Variants in MAML3 observed in about 807,000 individuals in gnomAD.
MAML3 encodes mastermind like transcriptional coactivator 3.
Under a neutral mutation model 101.9 loss-of-function variants are expected in MAML3, and 27 were observed. That is an observed-to-expected ratio of 0.27 (90% CI 0.20 to 0.37). The LOEUF is 0.37. MAML3 is among the 10% of genes least tolerant of loss of function. The pLI, the probability that MAML3 is intolerant of heterozygous loss-of-function variation, is 1.00. For synonymous variants in MAML3, 501 were observed against 555.9 expected, an observed-to-expected ratio of 0.90 and a Z score of 1.39; for missense variants, 1,316 against 1,444.9, an observed-to-expected ratio of 0.91 and a Z score of 1.45.
intron 2 of MAML3, among the ~76,000 whole-genome samples, chr4:139,861,307 C>T (rs553646518): frequency 6.6e-6 from 1 of 152,072 alleles, no homozygotes; most frequent in South Asian, 2.1e-4. Flanking sequence ...ATTCTCTTCT[C>T]CCTGTATGAT....
At chr4:139,837,004 C>T (rs1156920057) in intron 2 of MAML3, among the ~76,000 whole-genome samples, 1 of 151,726 alleles carries the variant, frequency 6.6e-6, no homozygotes, top group Non-Finnish European at 1.5e-5. Context: ...TGCCTGCAAT[C>T]CCAGCTACTC....
At chr4:140,145,014 A>G (rs6832994) in intron 1 of MAML3, among the ~76,000 whole-genome samples, 17,440 of 152,266 alleles carry the variant, frequency 0.11, 1,146 homozygotes, top group African/African-American at 0.17. Context: ...CAAGCAGAGC[A>G]TGTCTTTCAG....
At position 139,897,280 on chromosome 4, in the gene MAML3, G is replaced by A. The variant is rs17050988; in HGVS notation, c.469-6313C>T. Among the ~76,000 whole-genome samples, 160 of 152,278 alleles carry A rather than the reference G, an allele frequency of 1.1e-3. 1 individual carries two copies. The highest frequency in any genetic ancestry group is 3.7e-3 in the African/African-American group (154 of 41,542). ...ATTACAATCATCTTGCAGAGGCATC[G>A]TGGGTTAAGCAGTGTGTCTGAAATT... is the stretch of plus-strand genomic sequence containing the variant. On this transcript the variant is annotated intron_variant, in intron 1 of 4. Transcript: ENST00000509479.
Position 139,848,296 on chromosome 4 carries a change from C to T in MAML3, c.2079+41061G>A, listed in dbSNP as rs949290652. ...CGACGGCTGCTTCTCACCAGGGCAC[C>T]GTTAAAGCTGAGGCAGAAGCTGCAT... On this transcript the variant is annotated intron_variant, in intron 2 of 4. Transcript: ENST00000509479. Among the ~76,000 whole-genome samples the T allele has an allele frequency of 6.6e-5, 10 of 152,194 alleles. No individual in the cohort carries two copies. In the South Asian group the frequency reaches 1.5e-3, roughly 22 times the overall value.
intron 1 of MAML3, among the ~76,000 whole-genome samples, chr4:140,030,379 C>G (rs147139823): frequency 2.6e-5 from 4 of 152,324 alleles, no homozygotes; most frequent in Non-Finnish European, 5.9e-5. Context: ...AATTGTTCAA[C>G]ACTTACCAGG....
intron 1 of MAML3, among the ~76,000 whole-genome samples, chr4:140,116,493 G>A (rs1029552877): frequency 2.0e-5 from 3 of 152,190 alleles, no homozygotes; most frequent in Non-Finnish European, 4.4e-5. Context: ...AAAGGACAGG[G>A]AGGCTGACAA....
intron 1 of MAML3, among the ~76,000 whole-genome samples, chr4:140,129,947 C>T (rs1180900893): frequency 1.3e-5 from 2 of 150,378 alleles, no homozygotes; most frequent in Non-Finnish European, 3.0e-5. Context: ...CCTGGGTGAC[C>T]TGAGCGAAAC....
chr4:139,933,361 T>C (rs549062748), intron 1 of MAML3, among the ~76,000 whole-genome samples: 1 of 152,294 alleles, frequency 6.6e-6, no homozygotes, highest in Admixed American at 6.5e-5. Context: ...ACTGGGGCGC[T>C]GTTGTTCCTT....
chr4:139,978,948 C>G (rs1482717975), intron 1 of MAML3, among the ~76,000 whole-genome samples: 1 of 151,792 alleles, frequency 6.6e-6, no homozygotes, highest in Non-Finnish European at 1.5e-5. Context: ...TCAAAGAGCT[C>G]TATGACTACT....
intron 2 of MAML3, among the ~76,000 whole-genome samples, chr4:139,776,356 G>A (rs1730096387): frequency 6.6e-6 from 1 of 152,174 alleles, no homozygotes; most frequent in Admixed American, 6.5e-5. Context: ...GTGATACAGT[G>A]CCCTGGAAAC....
rs143896957 is a variant in MAML3 at position 140,132,027 on chromosome 4, T to C, written c.468+20833A>G. On this transcript the variant is annotated intron_variant, in intron 1 of 4. Coordinates refer to ENST00000509479, the MANE Select transcript of MAML3 (RefSeq NM_018717.5). Reference sequence around the variant, plus strand: ...AGTCATGAGTGTGTATGTGCGGCAATTGGATAAACAGGTCTTGTTCACCAC... The same window carrying C: ...AGTCATGAGTGTGTATGTGCGGCAACTGGATAAACAGGTCTTGTTCACCAC... Among the ~76,000 whole-genome samples the C allele has an allele frequency of 2.3e-3, 356 of 152,352 alleles. 3 individuals carry two copies. The highest frequency in any genetic ancestry group is 7.5e-3 in the African/African-American group (313 of 41,576).
intron 1 of MAML3, among the ~76,000 whole-genome samples, chr4:140,068,548 C>T (rs1350652365): frequency 6.6e-6 from 1 of 152,192 alleles, no homozygotes; most frequent in Non-Finnish European, 1.5e-5. Flanking sequence ...GAGAACTCTA[C>T]CAGGAGCTCA....
intron 2 of MAML3, among the ~76,000 whole-genome samples, chr4:139,775,076 A>G (rs1730067120): frequency 6.6e-6 from 1 of 152,168 alleles, no homozygotes; most frequent in South Asian, 2.1e-4. Flanking sequence ...GACTAGAATG[A>G]AAGGATAATG....
At chr4:139,836,837 C>A (rs879420096) in intron 2 of MAML3, among the ~76,000 whole-genome samples, 1 of 152,076 alleles carries the variant, frequency 6.6e-6, no homozygotes, top group Non-Finnish European at 1.5e-5. Flanking sequence ...GAATTACTAC[C>A]TCTGGTCGGG....
intron 1 of MAML3, among the ~76,000 whole-genome samples, chr4:139,963,751 CTA>C (rs1734069191): frequency 6.6e-6 from 1 of 152,176 alleles, no homozygotes; most frequent in South Asian, 2.1e-4. Context: ...TATTTGGACT[CTA>C]TGTTTCCTCA....
At chr4:139,832,998 TATC>T (rs762028114) in intron 2 of MAML3, among the ~76,000 whole-genome samples, 43 of 152,234 alleles carry the variant, frequency 2.8e-4, no homozygotes, top group Non-Finnish European at 5.3e-4. Flanking sequence ...GCTGGTGTAT[TATC>T]ATCCACTAAT....
intron 1 of MAML3, among the ~76,000 whole-genome samples, chr4:139,896,791 G>GA (rs1392369682): frequency 6.6e-6 from 1 of 152,176 alleles, no homozygotes; most frequent in East Asian, 1.9e-4. Flanking sequence ...CTTTCACACA[G>GA]AATCATATTT....
chr4:139,974,223 A>G (rs1734280018), intron 1 of MAML3, among the ~76,000 whole-genome samples: 1 of 150,828 alleles, frequency 6.6e-6, no homozygotes, highest in Admixed American at 6.6e-5. Flanking sequence ...CTCTTGCCTC[A>G]GCCTCCCGAG....
intron 1 of MAML3, among the ~76,000 whole-genome samples, chr4:140,077,711 C>G (rs1022910465): frequency 9.2e-5 from 14 of 151,976 alleles, no homozygotes; most frequent in African/African-American, 3.1e-4. Context: ...CCTTTCTGAG[C>G]AAAGCAGGGT....
Sources: allele counts gnomAD v4.1 joint callset (sites outside exome capture counted in the v4.1 genomes callset), GRCh38; gene constraint gnomAD v4.1.1; transcripts MANE v1.5; gene names NCBI Gene and HGNC (gene_info 2026-07-23, HGNC 2026-07-21).